Variants in MAP3K20 observed in about 807,000 individuals in gnomAD.
MAP3K20 encodes mitogen-activated protein kinase kinase kinase 20.
A neutral mutation model predicts 85.7 loss-of-function variants in MAP3K20; 40 were observed. That is an observed-to-expected ratio of 0.47 (90% CI 0.36 to 0.61). MAP3K20 has a LOEUF of 0.61. Among genes scored for constraint, MAP3K20 ranks in the 20% least tolerant of loss-of-function variants. MAP3K20 has a pLI of 0.00. For synonymous variants in MAP3K20, 325 were observed against 327.7 expected (o/e 0.99, Z 0.09); for missense variants, 817 against 961.7 (o/e 0.85, Z 1.99).
At chr2:173,142,629 C>CA (rs908826994) in intron 2 of MAP3K20, among the ~76,000 whole-genome samples, 6 of 150,786 alleles carry the variant, frequency 4.0e-5, no homozygotes, top group Admixed American at 1.3e-4. Flanking sequence ...CCTACCCCCA[C>CA]AAAAAAACAA....
chr2:173,187,786 ATAT>A (rs1314256888), intron 5 of MAP3K20, among the ~76,000 whole-genome samples, 163 bp downstream of exon 5: 1 of 152,230 alleles, frequency 6.6e-6, no homozygotes, highest in East Asian at 1.9e-4. Flanking sequence ...AAAAATCTCA[ATAT>A]TATTTAAAGA....
chr2:173,139,594 T>A (rs1017605811), intron 2 of MAP3K20, among the ~76,000 whole-genome samples: 2 of 152,362 alleles, frequency 1.3e-5, no homozygotes, highest in Admixed American at 6.5e-5. Flanking sequence ...TCCCCCTGAT[T>A]GTTATCTTAC....
At chr2:173,098,255 C>T (rs940784728) in intron 2 of MAP3K20, among the ~76,000 whole-genome samples, 3 of 152,180 alleles carry the variant, frequency 2.0e-5, no homozygotes, top group Non-Finnish European at 2.9e-5. Flanking sequence ...TATTTTTAAG[C>T]ATGGAGAGAG....
chr2:173,134,428 A>ATATATCTTTTTTTTTTTTTT (rs56330241), intron 2 of MAP3K20, among the ~76,000 whole-genome samples: 1 of 3,158 alleles, frequency 3.2e-4, no homozygotes, highest in Non-Finnish European at 6.4e-4. Flanking sequence ...ATATATATAT[A>ATATATCTTTTTTTTTTTTTT]TTTTTTTTTT....
intron 2 of MAP3K20, among the ~76,000 whole-genome samples, chr2:173,142,790 A>G (rs1408481646): frequency 6.6e-6 from 1 of 152,242 alleles, no homozygotes; most frequent in Admixed American, 6.5e-5. Context: ...ACTTAAGCCC[A>G]GTAATATACA....
chr2:173,224,485 T>G (rs1684333237), intron 11 of MAP3K20: 1 of 985,368 alleles, frequency 1.0e-6, no homozygotes, highest in South Asian at 4.7e-5. Context: ...TGGACCTAAC[T>G]TTATCATTAA....
At chr2:173,221,299 G>A (rs984033518) in intron 11 of MAP3K20, 2 of 1,613,962 alleles carry the variant, frequency 1.2e-6, no homozygotes, top group African/African-American at 2.7e-5. Context: ...AGGCCATGAT[G>A]CTGATGGGCT....
intron 1 of MAP3K20, among the ~76,000 whole-genome samples, chr2:173,083,313 G>A (rs1481461777): frequency 6.6e-6 from 1 of 151,948 alleles, no homozygotes; most frequent in African/African-American, 2.4e-5. Flanking sequence ...AGTACAAGTT[G>A]GTTCTGTTCC....
At chr2:173,231,831 T>C (rs1684529335) in intron 12 of MAP3K20, among the ~76,000 whole-genome samples, 1 of 152,194 alleles carries the variant, frequency 6.6e-6, no homozygotes, top group Non-Finnish European at 1.5e-5. Context: ...TGCTGTGTGG[T>C]CCCTGGAACT....
chr2:173,218,303 AT>A (rs1195564868), intron 11 of MAP3K20, among the ~76,000 whole-genome samples: 2 of 152,218 alleles, frequency 1.3e-5, no homozygotes, highest in Non-Finnish European at 2.9e-5. Flanking sequence ...GCAACCTGAT[AT>A]CCAAAAAAGG....
intron 5 of MAP3K20, among the ~76,000 whole-genome samples, chr2:173,189,114 C>A (rs1200519484): frequency 6.6e-6 from 1 of 152,112 alleles, no homozygotes; most frequent in Non-Finnish European, 1.5e-5. Context: ...TATAGCAATT[C>A]TTTTTCCCTT....
intron 1 of MAP3K20, among the ~76,000 whole-genome samples, chr2:173,076,582 T>G (rs1686868805): frequency 6.6e-6 from 1 of 152,264 alleles, no homozygotes; most frequent in Non-Finnish European, 1.5e-5. Flanking sequence ...TCTGTTTTCC[T>G]CACACAATTA....
chr2:173,199,284 T>C (rs771944756), intron 8 of MAP3K20, among the ~76,000 whole-genome samples: 4 of 152,172 alleles, frequency 2.6e-5, no homozygotes, highest in African/African-American at 4.8e-5. Flanking sequence ...TCCTGATTCA[T>C]TGGGAGTGGA....
At chr2:173,180,388 C>T (rs1574083701) in intron 3 of MAP3K20, among the ~76,000 whole-genome samples, 1 of 152,076 alleles carries the variant, frequency 6.6e-6, no homozygotes, top group Non-Finnish European at 1.5e-5. Context: ...ATTGATATGC[C>T]AGGGCCGGGT....
chr2:173,220,631 A>C (rs1684218424), intron 11 of MAP3K20, among the ~76,000 whole-genome samples: 1 of 152,346 alleles, frequency 6.6e-6, no homozygotes, highest in South Asian at 2.1e-4. Context: ...ACTAATCCAG[A>C]TAAAAAGGGA....
intron 2 of MAP3K20, among the ~76,000 whole-genome samples, chr2:173,146,080 T>C (rs1362903700): frequency 1.3e-5 from 2 of 152,120 alleles, no homozygotes; most frequent in Admixed American, 6.6e-5. Flanking sequence ...GGTAGACACA[T>C]GGAAAGATGG....
chr2:173,261,271 C>T, intron 18 of MAP3K20, 134 bp downstream of exon 18: 1 of 801,342 alleles, frequency 1.2e-6, no homozygotes, highest in Non-Finnish European at 1.9e-6. Context: ...AACCAACCAA[C>T]ATGAACATAG....
intron 1 of MAP3K20, among the ~76,000 whole-genome samples, chr2:173,085,787 T>TA (rs1314304245): frequency 8.1e-6 from 1 of 123,976 alleles, no homozygotes; most frequent in Non-Finnish European, 1.7e-5. Flanking sequence ...AAAAGCAATT[T>TA]TTTTTTTTTT....
At chr2:173,209,346 C>T (rs1015517164) in intron 9 of MAP3K20, among the ~76,000 whole-genome samples, 4 of 152,214 alleles carry the variant, frequency 2.6e-5, no homozygotes, top group Non-Finnish European at 5.9e-5. Context: ...CATCCCACCA[C>T]ACACAGTCTA....
Sources: gnomAD v4.1 joint callset for allele counts (sites outside exome capture counted in the v4.1 genomes callset) on GRCh38, gnomAD v4.1.1 for gene constraint, MANE v1.5 for transcripts, NCBI Gene and HGNC (gene_info 2026-07-23, HGNC 2026-07-21) for gene names.